The following ARMC9 variants were observed in gnomAD, a reference collection of about 807,000 sequenced individuals.
ARMC9 encodes lisH domain-containing protein ARMC9.
In ARMC9, 94 loss-of-function variants were observed where a neutral mutation model predicts 107.0. The ratio of observed to expected loss-of-function variants is 0.88; its 90% CI spans 0.74 to 1.04. ARMC9 has a LOEUF of 1.04. Among genes scored for constraint, ARMC9 ranks in the 50% least tolerant of loss-of-function variants. ARMC9 has a pLI of 0.00. For synonymous variants in ARMC9, 380 were observed against 396.9 expected, an observed-to-expected ratio of 0.96 and a Z score of 0.51; for missense variants, 942 against 1,030.1, an observed-to-expected ratio of 0.91 and a Z score of 1.17.
chr2:231,349,651 G>A (rs902126373), intron 21 of ARMC9, among the ~76,000 whole-genome samples: 2 of 151,966 alleles, frequency 1.3e-5, no homozygotes, highest in African/African-American at 2.4e-5. Context: ...GTGCGGTAGC[G>A]AGTGCCTGTA....
chr2:231,301,981 A>C (rs1169038632), intron 19 of ARMC9, among the ~76,000 whole-genome samples: 1 of 152,156 alleles, frequency 6.6e-6, no homozygotes, highest in East Asian at 1.9e-4. Flanking sequence ...ATCTCAAAAA[A>C]AAAAAGTTAA....
At chr2:231,307,308 G>A (rs1042981904) in intron 19 of ARMC9, among the ~76,000 whole-genome samples, 1 of 152,200 alleles carries the variant, frequency 6.6e-6, no homozygotes, top group Non-Finnish European at 1.5e-5. Flanking sequence ...CTCGAGCAAA[G>A]GGGCTTTCCC....
chr2:231,359,963 T>A (rs1243989657), intron 22 of ARMC9, among the ~76,000 whole-genome samples: 1 of 152,128 alleles, frequency 6.6e-6, no homozygotes, highest in Non-Finnish European at 1.5e-5. Flanking sequence ...ATGAAAGAGC[T>A]GAGAGGAGCT....
Position 231,370,045 on chromosome 2 carries a change from TG to T in ARMC9, c.2356del (p.Ala786ProfsTer60). 3 of 1,535,796 alleles carry T rather than the reference TG, an allele frequency of 2.0e-6. No individual in the cohort carries two copies. Among genetic ancestry groups the T allele is most frequent in the Non-Finnish European group, 2.6e-6 (3 of 1,146,748 alleles). ...WNPPKAKASV[L>X]APLFSSCGPQ... ...CCACCCAAGGCAAAGGCGTCAGTTC[TG>T]GCCCCTCTGTTCTCTTCGTGTGGCC... On this transcript the variant is annotated frameshift_variant, in exon 24 of 25. Transcript: ENST00000611582. LOFTEE classifies it high-confidence loss of function.
intron 5 of ARMC9, among the ~76,000 whole-genome samples, chr2:231,220,851 C>T (rs998786361): frequency 3.3e-5 from 5 of 152,216 alleles, no homozygotes; most frequent in African/African-American, 1.2e-4. Flanking sequence ...ATTGAAAACA[C>T]ATATTTGTTG....
intron 19 of ARMC9, among the ~76,000 whole-genome samples, chr2:231,323,114 A>G (rs2043091323): frequency 6.6e-6 from 1 of 152,106 alleles, no homozygotes; most frequent in Non-Finnish European, 1.5e-5. Flanking sequence ...GCTTGAGGCC[A>G]GGAGTTAGAG....
At chr2:231,324,276 C>T (rs1237392557) in intron 19 of ARMC9, among the ~76,000 whole-genome samples, 25 of 151,072 alleles carry the variant, frequency 1.7e-4, no homozygotes, top group Admixed American at 4.6e-4. Context: ...TACAGGCACA[C>T]GCCACCACGC....
At chr2:231,256,418 C>T in intron 9 of ARMC9, 168 bp from the exon 10 acceptor site, 11 of 1,140,258 alleles carry the variant, frequency 9.6e-6, no homozygotes, top group Non-Finnish European at 1.2e-5. Context: ...TGAGATGCTC[C>T]TTTAAATAAA....
chr2:231,204,317 C>A (rs1246286736), intron 1 of ARMC9, among the ~76,000 whole-genome samples: 1 of 152,156 alleles, frequency 6.6e-6, no homozygotes, highest in Non-Finnish European at 1.5e-5. Context: ...CCCGGCCCCC[C>A]ATTGCCTGCT....
At chr2:231,235,699 A>G (rs1050228247) in intron 8 of ARMC9, among the ~76,000 whole-genome samples, 1 of 151,984 alleles carries the variant, frequency 6.6e-6, no homozygotes, top group Non-Finnish European at 1.5e-5. Flanking sequence ...TTGGAGTGCA[A>G]TGGCGTGATC....
intron 20 of ARMC9, among the ~76,000 whole-genome samples, chr2:231,334,112 T>C (rs554634634): frequency 2.0e-5 from 3 of 152,282 alleles, no homozygotes; most frequent in African/African-American, 7.2e-5. Flanking sequence ...GATGATCCTT[T>C]TACTAGAAGG....
Position 231,291,225 on chromosome 2 carries a change from C to T in ARMC9, c.1627-128C>T, listed in dbSNP as rs1426012601. 11 of 691,264 alleles carry T rather than the reference C, an allele frequency of 1.6e-5. No individual in the cohort carries two copies. The East Asian group carries it at 2.8e-4, about 17-fold the overall frequency. 42.8% of individuals were successfully genotyped at this position (691,264 alleles called of 1,614,324 possible). On this transcript the variant is annotated intron_variant, in intron 17 of 24. Coordinates refer to ENST00000611582, the MANE Select transcript of ARMC9 (RefSeq NM_001352754.2). ...ACATATCTGTCTCCTCTTCTCTGTC[C>T]CCCACCCAAGGTATCCTCTTCCTCT...
chr2:231,323,231 C>T (rs1038268806), intron 19 of ARMC9, among the ~76,000 whole-genome samples: 1 of 152,158 alleles, frequency 6.6e-6, no homozygotes, highest in Non-Finnish European at 1.5e-5. Context: ...AGCAGTGGCT[C>T]CCCTCCCAGC....
At chr2:231,278,521 GACCC>G in intron 16 of ARMC9, 63 bp downstream of exon 16, 9 of 1,447,390 alleles carry the variant, frequency 6.2e-6, no homozygotes, top group South Asian at 1.1e-5. Flanking sequence ...CAATGCCTGT[GACCC>G]CACAGGCACA....
At chr2:231,229,726 A>G (rs952407239) in intron 7 of ARMC9, among the ~76,000 whole-genome samples, 2 of 152,226 alleles carry the variant, frequency 1.3e-5, no homozygotes, top group Non-Finnish European at 2.9e-5. Flanking sequence ...GCAAGGAGGT[A>G]ATTTTTATCT....
intron 12 of ARMC9, among the ~76,000 whole-genome samples, chr2:231,262,951 T>G (rs2038514617): frequency 6.6e-6 from 1 of 151,728 alleles, no homozygotes; most frequent in Non-Finnish European, 1.5e-5. Flanking sequence ...CGCGCCTGCC[T>G]CGGGAGGTCG....
intron 3 of ARMC9, among the ~76,000 whole-genome samples, chr2:231,214,208 C>G (rs890416762): frequency 6.6e-6 from 1 of 152,266 alleles, no homozygotes; most frequent in African/African-American, 2.4e-5. Context: ...CTCCAGCCTT[C>G]TCTGTCGCTG....
At chr2:231,260,599 A>G (rs2038242281) in intron 11 of ARMC9, among the ~76,000 whole-genome samples, 1 of 152,192 alleles carries the variant, frequency 6.6e-6, no homozygotes. Flanking sequence ...CCACAGGAAG[A>G]GTCCTGTGGA....
intron 14 of ARMC9, among the ~76,000 whole-genome samples, chr2:231,273,342 C>G (rs558519100): frequency 2.2e-4 from 33 of 152,304 alleles, no homozygotes; most frequent in African/African-American, 7.5e-4. Flanking sequence ...GATTGTGTCT[C>G]AGGGCATGTG....
Sources: gnomAD v4.1 joint callset for allele counts (sites outside exome capture counted in the v4.1 genomes callset) on GRCh38, gnomAD v4.1.1 for gene constraint, MANE v1.5 for transcripts, NCBI Gene and HGNC (gene_info 2026-07-23, HGNC 2026-07-21) for gene names.